SYCP2L: variants seen among roughly 807,000 people sequenced by gnomAD.
SYCP2L encodes the protein synaptonemal complex protein 2-like.
SYCP2L carries 98 observed loss-of-function variants against 125.8 expected under a neutral mutation model. The ratio of observed to expected loss-of-function variants is 0.78; its 90% CI spans 0.66 to 0.92. The LOEUF (loss-of-function observed/expected upper bound fraction) is 0.92, where lower values mean the gene tolerates loss of function less well. Ranked by LOEUF, SYCP2L falls within the 40% of genes least tolerant of loss-of-function variation. The probability of loss-of-function intolerance (pLI) is 0.00; values close to 1 mark genes in which losing one functional copy is unlikely to be tolerated. For synonymous variants in SYCP2L, 317 were observed against 325.4 expected (o/e 0.97, Z 0.28); for missense variants, 842 against 936.4 (o/e 0.90, Z 1.32).
intron 21 of SYCP2L, among the ~76,000 whole-genome samples, chr6:10,938,962 T>TA (rs757819521): frequency 4.6e-5 from 7 of 151,804 alleles, no homozygotes; most frequent in Non-Finnish European, 7.4e-5. Context: ...CTACTAAAAA[T>TA]ACAACATATT....
At chr6:10,949,302 A>G (rs1282303518) in intron 23 of SYCP2L, among the ~76,000 whole-genome samples, 3 of 151,956 alleles carry the variant, frequency 2.0e-5, no homozygotes, top group Non-Finnish European at 4.4e-5. Context: ...TCACATTTTG[A>G]TATTAGTGCT....
intron 23 of SYCP2L, 80 bp from the exon 24 acceptor site, chr6:10,955,036 C>A: frequency 1.0e-6 from 1 of 956,114 alleles, no homozygotes; most frequent in Non-Finnish European, 1.7e-6. Context: ...AGATGGTACT[C>A]TTCACAGTAA....
intron 29 of SYCP2L, among the ~76,000 whole-genome samples, chr6:10,966,139 T>C (rs560106416): frequency 3.4e-5 from 5 of 148,262 alleles, no homozygotes; most frequent in East Asian, 4.0e-4. Context: ...ACAACAACAA[T>C]AACAACAACA....
At chr6:10,915,551 A>G (rs1473137221) in intron 14 of SYCP2L, among the ~76,000 whole-genome samples, 1 of 152,146 alleles carries the variant, frequency 6.6e-6, no homozygotes, top group Non-Finnish European at 1.5e-5. Context: ...ATTTTGTCGA[A>G]TGCTTTTTCT....
At chr6:10,966,900 G>A (rs72823382) in intron 29 of SYCP2L, among the ~76,000 whole-genome samples, 29,944 of 152,010 alleles carry the variant, frequency 0.2, 3,660 homozygotes, top group East Asian at 0.27. Context: ...GCCTTAAAAA[G>A]CATAAGAATA....
intron 28 of SYCP2L, among the ~76,000 whole-genome samples, chr6:10,962,844 TG>T (rs1396449316): frequency 6.6e-6 from 1 of 152,200 alleles, no homozygotes; most frequent in Admixed American, 6.5e-5. Context: ...ATGTAGCCTA[TG>T]GGAAATTCCC....
At chr6:10,970,892 G>A (rs918244321) in intron 29 of SYCP2L, among the ~76,000 whole-genome samples, 23 of 152,062 alleles carry the variant, frequency 1.5e-4, no homozygotes, top group African/African-American at 5.3e-4. Context: ...GTCAGGTAGG[G>A]GAGATGAAGC....
chr6:10,893,735 A>C, intron 2 of SYCP2L, 132 bp from the exon 3 acceptor site: 49 of 977,298 alleles, frequency 5.0e-5, no homozygotes, highest in Non-Finnish European at 6.4e-5. Context: ...TATTCAAGAT[A>C]GAGATCTCCA....
At chr6:10,911,246 T>C (rs1163868775) in intron 12 of SYCP2L, among the ~76,000 whole-genome samples, 1 of 152,062 alleles carries the variant, frequency 6.6e-6, no homozygotes, top group Non-Finnish European at 1.5e-5. Context: ...GTCCTCTTAT[T>C]CTCAACAACT....
At chr6:10,941,154 A>G (rs1175916168) in intron 21 of SYCP2L, among the ~76,000 whole-genome samples, 1 of 152,242 alleles carries the variant, frequency 6.6e-6, no homozygotes, top group African/African-American at 2.4e-5. Context: ...CATTAATTCA[A>G]GATGGATTAA....
chr6:10,905,986 C>T, intron 8 of SYCP2L, 34 bp from the exon 9 acceptor site: 4 of 1,511,302 alleles, frequency 2.6e-6, no homozygotes, highest in Non-Finnish European at 3.7e-6. Flanking sequence ...TTGATGTTCA[C>T]TTCAGTTAAA....
At chr6:10,925,342 T>TAAA (rs1431325983) in intron 15 of SYCP2L, among the ~76,000 whole-genome samples, 21 of 152,234 alleles carry the variant, frequency 1.4e-4, no homozygotes, top group Admixed American at 1.2e-3. Context: ...ACAGCCAGAC[T>TAAA]GTATCAGGGA....
intron 21 of SYCP2L, among the ~76,000 whole-genome samples, chr6:10,935,468 T>G (rs544510545): frequency 1.5e-3 from 234 of 152,158 alleles, no homozygotes; most frequent in African/African-American, 5.4e-3. Flanking sequence ...TTGGTAAACA[T>G]TTTTTGTAAG....
intron 29 of SYCP2L, among the ~76,000 whole-genome samples, chr6:10,970,190 G>A (rs1781747911): frequency 6.6e-6 from 1 of 152,254 alleles, no homozygotes; most frequent in South Asian, 2.1e-4. Context: ...TCTGAAGGTC[G>A]AGATGGAGCC....
intron 18 of SYCP2L, 149 bp downstream of exon 18, chr6:10,928,599 T>C (rs1165869989): frequency 1.2e-5 from 14 of 1,148,638 alleles, no homozygotes; most frequent in Middle Eastern, 2.2e-4. Context: ...GGCCTTGTTC[T>C]GTCATCATAG....
chr6:10,930,953 G>C (rs1301195928), intron 19 of SYCP2L, among the ~76,000 whole-genome samples: 1 of 152,200 alleles, frequency 6.6e-6, no homozygotes, highest in Non-Finnish European at 1.5e-5. Flanking sequence ...TGGGAGGGTT[G>C]TTTGAGCCCA....
chr6:10,900,802 C>T (rs978656591), intron 6 of SYCP2L, among the ~76,000 whole-genome samples: 2 of 152,166 alleles, frequency 1.3e-5, no homozygotes, highest in African/African-American at 4.8e-5. Flanking sequence ...GGACACAGTC[C>T]CATCTATAGC....
rs1456768189 is a variant in SYCP2L, at chr6:10,924,598, A to G, written c.1175A>G (p.Asn392Ser). 1.2e-6 allele frequency: 2 copies of G among 1,602,516 alleles called. No homozygotes were observed. The highest frequency in any genetic ancestry group is 1.8e-5 in the Admixed American group (1 of 56,850). The change falls in exon 15 of 30, where the codon AAC becomes AGC. Residue 392 changes from asparagine to serine, a missense_variant. Physicochemically the swap from Asn to Ser is conservative, Grantham distance 46 (BLOSUM62 1). Transcript: ENST00000283141. The part of the protein sequence containing the change: ...KIEIHFDLQF[N>S]ISQVSIQALG... ...GAAATCCATTTTGATTTGCAGTTCA[A>G]CATATCACAAGTTTCCATTCAAGCT... is the stretch of plus-strand genomic sequence containing the variant.
chr6:10,926,962 G>A (rs1780908618), intron 16 of SYCP2L, among the ~76,000 whole-genome samples: 2 of 151,990 alleles, frequency 1.3e-5, no homozygotes, highest in African/African-American at 2.4e-5. Flanking sequence ...TGTATTTTCA[G>A]CAGAGACGGG....
Sources: allele counts gnomAD v4.1 joint callset (sites outside exome capture counted in the v4.1 genomes callset), GRCh38; gene constraint gnomAD v4.1.1; transcripts MANE v1.5; gene names NCBI Gene and HGNC (gene_info 2026-07-23, HGNC 2026-07-21).